Variants in RPTOR observed in about 807,000 individuals in gnomAD.
RPTOR encodes the protein regulatory associated protein of MTOR complex 1, also known as regulatory-associated protein of mTOR.
Under a neutral mutation model 169.9 loss-of-function variants are expected in RPTOR, and 21 were observed. That is an observed-to-expected ratio of 0.12 (90% CI 0.09 to 0.18). The LOEUF is 0.18. Ranked by LOEUF, RPTOR falls within the 10% of genes least tolerant of loss-of-function variation. RPTOR has a pLI of 1.00. For missense variants in RPTOR, 1,133 were observed against 1,855.9 expected (o/e 0.61, Z 7.16); for synonymous variants, 732 against 753.2 (o/e 0.97, Z 0.46).
At chr17:80,596,267 T>TTTAA (rs1463213858) in intron 1 of RPTOR, among the ~76,000 whole-genome samples, 1 of 152,214 alleles carries the variant, frequency 6.6e-6, no homozygotes, top group Non-Finnish European at 1.5e-5. Flanking sequence ...TATCAACCCT[T>TTTAA]TTAAATGTTA....
intron 4 of RPTOR, among the ~76,000 whole-genome samples, chr17:80,712,204 T>C (rs2066200066): frequency 1.3e-5 from 2 of 152,210 alleles, no homozygotes; most frequent in Non-Finnish European, 2.9e-5. Context: ...GGTAAACTGA[T>C]AATGATGTGT....
At chr17:80,580,065 G>A (rs370003028) in intron 1 of RPTOR, among the ~76,000 whole-genome samples, 1 of 152,132 alleles carries the variant, frequency 6.6e-6, no homozygotes, top group African/African-American at 2.4e-5. Flanking sequence ...GCTTCCTCAC[G>A]GTCAGGCATG....
intron 20 of RPTOR, among the ~76,000 whole-genome samples, chr17:80,898,326 G>C (rs1378798385): frequency 6.6e-6 from 1 of 152,086 alleles, no homozygotes; most frequent in Non-Finnish European, 1.5e-5. Flanking sequence ...TGCCTCTTTA[G>C]ATATGTCCCC....
intron 9 of RPTOR, among the ~76,000 whole-genome samples, chr17:80,829,824 A>T (rs1394571099): frequency 6.6e-6 from 1 of 152,204 alleles, no homozygotes; most frequent in African/African-American, 2.4e-5. Flanking sequence ...TATGCTGGGA[A>T]GTGCCAAATA....
chr17:80,795,608 G>A (rs1430753370), intron 7 of RPTOR, among the ~76,000 whole-genome samples: 1 of 151,996 alleles, frequency 6.6e-6, no homozygotes, highest in African/African-American at 2.4e-5. Context: ...GTTAATAGTA[G>A]GCAGTTTTCA....
rs754200703 is a variant in RPTOR at position 80,840,957 on chromosome 17, A to T, written c.1212+2960A>T. On this transcript the variant is annotated intron_variant, in intron 10 of 33. Transcript: ENST00000306801. ...TCACTCTCTCTGCACCGCAGCTCAC[A>T]CTCACCGCACGGCAGCTCACATTCA... 8.4e-3 allele frequency among the ~76,000 whole-genome samples: 216 copies of T among 25,832 alleles called. 2 individuals carry two copies. Among genetic ancestry groups the T allele is most frequent in the African/African-American group, 0.027 (70 of 2,580 alleles). 16.9% of individuals were successfully genotyped at this position (25,832 alleles called of 152,430 possible). A position where few individuals can be genotyped will look rare whatever the true frequency, so the allele number is the denominator to read the frequency against.
chr17:80,852,861 G>A (rs951381481), intron 11 of RPTOR, among the ~76,000 whole-genome samples: 4 of 151,998 alleles, frequency 2.6e-5, no homozygotes, highest in Middle Eastern at 3.4e-3. Context: ...CCAGGTGGCC[G>A]CCATCTCCTC....
intron 3 of RPTOR, among the ~76,000 whole-genome samples, chr17:80,687,008 ATCTG>A (rs1281102664): frequency 1.3e-5 from 2 of 152,182 alleles, no homozygotes; most frequent in East Asian, 1.9e-4. Flanking sequence ...AGAGAGTGGA[ATCTG>A]TCTGTCTGTG....
At chr17:80,805,099 A>C (rs139126183) in intron 7 of RPTOR, 1 of 151,744 alleles carries the variant, frequency 6.6e-6, no homozygotes, top group Non-Finnish European at 1.5e-5. Context: ...GGAAGACACA[A>C]TTTACAACCA....
intron 6 of RPTOR, among the ~76,000 whole-genome samples, chr17:80,764,165 ATTTTATT>A (rs1442331810): frequency 0.063 from 6,558 of 103,682 alleles, 167 homozygotes; most frequent in African/African-American, 0.083. Context: ...ATTTTATTTT[ATTTTATT>A]TTATTATTAT....
chr17:80,902,363 C>T (rs11869745), intron 20 of RPTOR, among the ~76,000 whole-genome samples: 43 of 152,366 alleles, frequency 2.8e-4, no homozygotes, highest in African/African-American at 1.0e-3. Context: ...GCCCGCAGCA[C>T]CCCTGGCTGG....
chr17:80,761,339 A>G (rs916953284), intron 6 of RPTOR, among the ~76,000 whole-genome samples: 1 of 152,202 alleles, frequency 6.6e-6, no homozygotes, highest in African/African-American at 2.4e-5. Flanking sequence ...ATTATTTTGG[A>G]TTGAATAGAG....
rs570419986 is a variant in RPTOR at position 80,858,956 on chromosome 17, G to A, written c.1509+1056G>A. ...TGGTTTATAAACATTGCCTGGCCTC[G>A]GTGTCAAGTGGATTGTAGGGAAACA... On this transcript the variant is annotated intron_variant, in intron 13 of 33. Transcript: ENST00000306801. Among the ~76,000 whole-genome samples, 189 of 152,288 alleles carry A rather than the reference G, an allele frequency of 1.2e-3. 2 individuals carry two copies. Among genetic ancestry groups the A allele is most frequent in the African/African-American group, 4.5e-3 (186 of 41,556 alleles).
intron 20 of RPTOR, among the ~76,000 whole-genome samples, chr17:80,898,622 G>A (rs1342235372): frequency 6.8e-6 from 1 of 147,084 alleles, no homozygotes; most frequent in Non-Finnish European, 1.5e-5. Flanking sequence ...AGGTCTGCGG[G>A]ACCCCTGCCC....
intron 6 of RPTOR, among the ~76,000 whole-genome samples, chr17:80,776,899 G>A (rs1044496873): frequency 6.6e-6 from 1 of 152,174 alleles, no homozygotes; most frequent in African/African-American, 2.4e-5. Flanking sequence ...GTGACATCTG[G>A]ACCAAATCTT....
At chr17:80,551,189 G>A (rs1245192693) in intron 1 of RPTOR, among the ~76,000 whole-genome samples, 3 of 152,184 alleles carry the variant, frequency 2.0e-5, no homozygotes, top group Non-Finnish European at 4.4e-5. Context: ...CACCTGGCCA[G>A]AGGGATTTTT....
intron 2 of RPTOR, among the ~76,000 whole-genome samples, chr17:80,631,510 C>T (rs945514824): frequency 2.6e-5 from 4 of 152,084 alleles, no homozygotes; most frequent in African/African-American, 4.8e-5. Flanking sequence ...TGCATGTGCC[C>T]GGGCTTTCTC....
chr17:80,670,174 A>G (rs549912370), intron 3 of RPTOR, among the ~76,000 whole-genome samples: 2 of 152,358 alleles, frequency 1.3e-5, no homozygotes, highest in African/African-American at 4.8e-5. Flanking sequence ...GTTCACTGTA[A>G]GGTTTGACCT....
At position 80,747,194 on chromosome 17, in the gene RPTOR, C is replaced by T. The variant is rs538140978; in HGVS notation, c.655-6816C>T. Among the ~76,000 whole-genome samples the T allele has an allele frequency of 9.2e-5, 14 of 152,262 alleles. No homozygotes were observed. The South Asian group carries it at 2.7e-3, about 29-fold the overall frequency. On this transcript the variant is annotated intron_variant, in intron 5 of 33. Coordinates refer to ENST00000306801, the MANE Select transcript of RPTOR (RefSeq NM_020761.3). ...TTGCGCCACTGCACGCCAGCCTAGG[C>T]GACAAAGCAAGACTCCCTCTCAAAA...
Sources: allele counts gnomAD v4.1 joint callset (sites outside exome capture counted in the v4.1 genomes callset), GRCh38; gene constraint gnomAD v4.1.1; transcripts MANE v1.5; gene names NCBI Gene and HGNC (gene_info 2026-07-23, HGNC 2026-07-21).